MYBL2: variants seen among roughly 807,000 people sequenced by gnomAD.
MYBL2 encodes the protein myb-related protein B.
In MYBL2, 28 loss-of-function variants were observed where a neutral mutation model predicts 79.9. That is an observed-to-expected ratio of 0.35 (90% confidence interval 0.26 to 0.48). The LOEUF (loss-of-function observed/expected upper bound fraction) is 0.48. MYBL2 is among the 20% of genes least tolerant of loss of function. The probability of loss-of-function intolerance (pLI) is 0.99; values close to 1 mark genes in which losing one functional copy is unlikely to be tolerated. For synonymous variants in MYBL2, 378 were observed against 361.2 expected (o/e 1.05, Z -0.53); for missense variants, 735 against 893.9 (o/e 0.82, Z 2.27).
intron 11 of MYBL2, 39 bp from the exon 12 acceptor site, chr20:43,712,963 G>A: frequency 1.3e-6 from 2 of 1,509,388 alleles, no homozygotes; most frequent in Non-Finnish European, 1.8e-6. Context: ...GGGGAATCCA[G>A]ACACTCACCC....
chr20:43,694,412 G>A (rs1305554860), intron 6 of MYBL2, among the ~76,000 whole-genome samples: 9 of 151,862 alleles, frequency 5.9e-5, no homozygotes, highest in Non-Finnish European at 1.2e-4. Flanking sequence ...TGATGATGCC[G>A]GCTGTGTGGT....
At chr20:43,695,294 G>A (rs1987509691) in intron 6 of MYBL2, among the ~76,000 whole-genome samples, 1 of 152,124 alleles carries the variant, frequency 6.6e-6, no homozygotes. Context: ...ACCTGCCTCA[G>A]CCTCTCAAAG....
chr20:43,678,871 AAAAG>A (rs1234340226), intron 2 of MYBL2, among the ~76,000 whole-genome samples: 5,469 of 132,490 alleles, frequency 0.041, 651 homozygotes, highest in African/African-American at 0.16. Context: ...AAAAAAAAAA[AAAAG>A]AAAAAAACAT....
At chr20:43,691,063 G>A (rs946014223) in intron 5 of MYBL2, among the ~76,000 whole-genome samples, 2 of 152,148 alleles carry the variant, frequency 1.3e-5, no homozygotes, top group South Asian at 2.1e-4. Context: ...GGAGTATGAC[G>A]TAGTCTTCTG....
rs759148925 is a variant in MYBL2, at chr20:43,686,843, T to C, written c.280-9T>C. ...GGTGCAAGTGGCTACCCAGAGACTT[T>C]TCTCTAAGGTCATCGAGCTGGTTAA... On this transcript the variant is annotated splice_polypyrimidine_tract_variant and intron_variant, in intron 4 of 13. Coordinates refer to ENST00000217026, the MANE Select transcript of MYBL2 (RefSeq NM_002466.4). The C allele has an allele frequency of 6.2e-7, 1 of 1,613,150 alleles. No individual in the cohort carries two copies. The highest frequency in any genetic ancestry group is 8.5e-7 in the Non-Finnish European group (1 of 1,179,236).
chr20:43,671,238 C>G (rs1283426852), intron 1 of MYBL2, among the ~76,000 whole-genome samples: 1 of 152,048 alleles, frequency 6.6e-6, no homozygotes, highest in Non-Finnish European at 1.5e-5. Flanking sequence ...TCACTGCAAC[C>G]TCCGCCTCCT....
At chr20:43,676,340 G>A (rs1987009726) in intron 2 of MYBL2, among the ~76,000 whole-genome samples, 1 of 137,624 alleles carries the variant, frequency 7.3e-6, no homozygotes, top group African/African-American at 2.7e-5. Context: ...TTCAGTGTTT[G>A]GCTCTTACTT....
rs112739611 is a variant in MYBL2 at position 43,690,197 on chromosome 20, T to G, written c.501-1960T>G. 5.8e-3 allele frequency among the ~76,000 whole-genome samples: 886 copies of G among 152,016 alleles called. 4 individuals are homozygous for G. Among genetic ancestry groups the G allele is most frequent in the Non-Finnish European group, 9.2e-3 (626 of 67,960 alleles). On this transcript the variant is annotated intron_variant, in intron 5 of 13. Transcript: ENST00000217026. ...CCTTCCAAGAGCTGTTTTTTGTTTT[T>G]TTTTTTTTGTTTGTTTTTTGTTTTT...
At chr20:43,715,824 TG>T in intron 13 of MYBL2, 134 bp from the exon 14 acceptor site, 1 of 1,227,632 alleles carries the variant, frequency 8.1e-7, no homozygotes, top group Non-Finnish European at 1.1e-6. Context: ...ACAGGGAATG[TG>T]GAGAGAGAAT....
intron 1 of MYBL2, 104 bp from the exon 2 acceptor site, chr20:43,673,702 C>A: frequency 9.5e-7 from 1 of 1,051,996 alleles, no homozygotes; most frequent in Non-Finnish European, 1.5e-6. Flanking sequence ...AGCCTCTCTC[C>A]CCCAGACCTT....
chr20:43,674,924 T>G (rs151208083), intron 2 of MYBL2, among the ~76,000 whole-genome samples: 150 of 152,314 alleles, frequency 9.8e-4, no homozygotes, highest in African/African-American at 3.4e-3. Flanking sequence ...ATCTTTTTAT[T>G]TTATAATAAA....
rs1988025229 is a variant in MYBL2, at chr20:43,716,066, T to C, written c.2082T>C (p.Ser694=). The C allele has an allele frequency of 2.5e-6, 4 of 1,608,898 alleles. No individual in the cohort carries two copies. The highest frequency in any genetic ancestry group is 3.4e-6 in the Non-Finnish European group (4 of 1,179,784). Residue 694 remains serine (S), a synonymous_variant, in exon 14 of 14, where the codon TCT becomes TCC. Coordinates refer to ENST00000217026, the MANE Select transcript of MYBL2 (RefSeq NM_002466.4). The part of the protein sequence containing the change: ...LLGRLKPSHT[S]RTLILS ...GCCGCCTGAAGCCCAGCCACACATC[T>C]CGGACCCTCATCTTGTCCTGAGGTG... is the stretch of plus-strand genomic sequence containing the variant.
At chr20:43,673,930 G>A in intron 2 of MYBL2, 31 bp downstream of exon 2, 1 of 1,528,314 alleles carries the variant, frequency 6.5e-7, no homozygotes, top group Non-Finnish European at 8.9e-7. Flanking sequence ...AGGGTTGATG[G>A]CAGCTGGGGG....
At chr20:43,708,763 CA>C (rs1352468127) in intron 9 of MYBL2, among the ~76,000 whole-genome samples, 3 of 152,162 alleles carry the variant, frequency 2.0e-5, no homozygotes, top group African/African-American at 7.2e-5. Context: ...TTGTTGATGC[CA>C]CGAATTAGAG....
chr20:43,713,174 A>G (rs1987950589), intron 12 of MYBL2, 68 bp downstream of exon 12: 1 of 1,364,138 alleles, frequency 7.3e-7, no homozygotes, highest in South Asian at 1.2e-5. Flanking sequence ...TAGTGTAGTG[A>G]CTCTCCAACT....
intron 6 of MYBL2, 139 bp downstream of exon 6, chr20:43,692,458 G>A: frequency 9.6e-7 from 1 of 1,042,082 alleles, no homozygotes; most frequent in Non-Finnish European, 1.4e-6. Flanking sequence ...GGGGCCTTGT[G>A]AGACTTCTGC....
At chr20:43,696,451 C>T (rs1183412510) in intron 6 of MYBL2, among the ~76,000 whole-genome samples, 1 of 64,090 alleles carries the variant, frequency 1.6e-5, no homozygotes, top group Non-Finnish European at 3.5e-5. Flanking sequence ...AAACTCCTGA[C>T]CTCAGGTGAT....
chr20:43,708,333 C>G (rs1987834636), intron 9 of MYBL2, among the ~76,000 whole-genome samples: 1 of 152,150 alleles, frequency 6.6e-6, no homozygotes. Context: ...CTCTGGGACT[C>G]AAGCAATCCT....
At chr20:43,705,922 G>A (rs957107142) in intron 9 of MYBL2, among the ~76,000 whole-genome samples, 4 of 150,376 alleles carry the variant, frequency 2.7e-5, no homozygotes, top group South Asian at 2.1e-4. Context: ...GGATGGTGTC[G>A]ATCTCCTGAC....
Sources: allele counts gnomAD v4.1 joint callset (sites outside exome capture counted in the v4.1 genomes callset), GRCh38; gene constraint gnomAD v4.1.1; transcripts MANE v1.5; gene names NCBI Gene and HGNC (gene_info 2026-07-23, HGNC 2026-07-21).